NFATC2: variants seen among roughly 807,000 people sequenced by gnomAD.
NFATC2 encodes the protein nuclear factor of activated T-cells, cytoplasmic 2.
In NFATC2, 22 loss-of-function variants were observed where a neutral mutation model predicts 87.3. The observed-to-expected ratio is 0.25, with a 90% CI of 0.18 to 0.36. NFATC2 has a LOEUF of 0.36. NFATC2 is among the 10% of genes least tolerant of loss of function. The pLI is 1.00. For missense variants in NFATC2, 1,149 were observed against 1,259.1 expected (o/e 0.91, Z 1.32); for synonymous variants, 565 against 542.2 (o/e 1.04, Z -0.58).
chr20:51,497,630 G>A (rs1445595578), intron 3 of NFATC2, among the ~76,000 whole-genome samples: 3 of 152,086 alleles, frequency 2.0e-5, no homozygotes, highest in African/African-American at 4.8e-5. Flanking sequence ...TGCAGCCACC[G>A]CCTTCCACCA....
At chr20:51,526,369 TTGG>T (rs2076546043) in intron 1 of NFATC2, among the ~76,000 whole-genome samples, 1 of 151,678 alleles carries the variant, frequency 6.6e-6, no homozygotes, top group African/African-American at 2.4e-5. Flanking sequence ...AACAGCAGAG[TTGG>T]TAGTCTGGGA....
chr20:51,486,851 C>T (rs1364644156), intron 3 of NFATC2, among the ~76,000 whole-genome samples: 2 of 152,032 alleles, frequency 1.3e-5, no homozygotes, highest in Admixed American at 1.3e-4. Flanking sequence ...AGCCAGTCTG[C>T]AGGAATGTGT....
chr20:51,461,170 C>A (rs73269989), intron 5 of NFATC2, among the ~76,000 whole-genome samples: 2,135 of 152,298 alleles, frequency 0.014, 60 homozygotes, highest in African/African-American at 0.048. Context: ...TCTGATGCAA[C>A]CTCCATCACC....
At chr20:51,510,598 A>G (rs1410939581) in intron 3 of NFATC2, among the ~76,000 whole-genome samples, 5 of 152,192 alleles carry the variant, frequency 3.3e-5, no homozygotes, top group Admixed American at 2.6e-4. Context: ...GTTCTACTTC[A>G]ATAAGATTTA....
At chr20:51,440,167 T>A (rs897899319) in intron 6 of NFATC2, among the ~76,000 whole-genome samples, 3 of 141,680 alleles carry the variant, frequency 2.1e-5, no homozygotes, top group East Asian at 2.1e-4. Context: ...AACCCAGAGA[T>A]GGAGGTTGCA....
At chr20:51,433,120 G>A (rs969325883) in intron 8 of NFATC2, among the ~76,000 whole-genome samples, 3 of 151,996 alleles carry the variant, frequency 2.0e-5, no homozygotes, top group African/African-American at 7.3e-5. Context: ...TCCTGTCTCC[G>A]CTTGCTTTCC....
chr20:51,518,081 G>A (rs1357894285), intron 2 of NFATC2, among the ~76,000 whole-genome samples: 1 of 152,154 alleles, frequency 6.6e-6, no homozygotes, highest in Non-Finnish European at 1.5e-5. Flanking sequence ...CTGTTCACAG[G>A]GTAGAGATCT....
At chr20:51,479,228 C>A (rs1235146901) in intron 3 of NFATC2, among the ~76,000 whole-genome samples, 1 of 152,232 alleles carries the variant, frequency 6.6e-6, no homozygotes, top group Non-Finnish European at 1.5e-5. Flanking sequence ...CTGAACACCT[C>A]TCTCTCCTGC....
Position 51,455,350 on chromosome 20 carries a change from C to T in NFATC2, c.1709-662G>A, listed in dbSNP as rs1986285988. Among the ~76,000 whole-genome samples the T allele has an allele frequency of 2.6e-5, 4 of 152,022 alleles. No individual in the cohort carries two copies. In the South Asian group the frequency reaches 8.3e-4, roughly 32 times the overall value. ...TTTGAGCATCTGCACTTCCTAGTGT[C>T]TGTCCTCCCCAGTTACCTGCATGTC... On this transcript the variant is annotated intron_variant, in intron 5 of 10. Transcript: ENST00000371564.
chr20:51,512,650 A>G (rs2146676723), intron 3 of NFATC2, among the ~76,000 whole-genome samples: 1 of 152,398 alleles, frequency 6.6e-6, no homozygotes, highest in Middle Eastern at 3.4e-3. Context: ...TGTACACTTA[A>G]GGATAAAAAA....
At chr20:51,545,584 G>A (rs2076882378), upstream of NFATC2, among the ~76,000 whole-genome samples, 1 of 152,186 alleles carries the variant, frequency 6.6e-6, no homozygotes, top group South Asian at 2.1e-4. Flanking sequence ...TGGATGCATG[G>A]ATGGAAGATG....
chr20:51,491,003 A>C (rs2075872976), intron 3 of NFATC2, among the ~76,000 whole-genome samples: 1 of 152,178 alleles, frequency 6.6e-6, no homozygotes, highest in Non-Finnish European at 1.5e-5. Flanking sequence ...AAAACCACCC[A>C]GGTCAGTGCC....
chr20:51,557,506 C>G (rs1192180847), intron 1 of NFATC2, among the ~76,000 whole-genome samples: 2 of 152,118 alleles, frequency 1.3e-5, no homozygotes, highest in Admixed American at 6.5e-5. Context: ...TCATTTGTGG[C>G]TTGTTGCTGT....
At chr20:51,445,016 C>G (rs1275705864) in intron 6 of NFATC2, among the ~76,000 whole-genome samples, 3 of 152,134 alleles carry the variant, frequency 2.0e-5, no homozygotes, top group African/African-American at 7.2e-5. Context: ...GCTGCTCACT[C>G]ACCTCCCAGT....
At chr20:51,474,900 A>C (rs570187782) in intron 4 of NFATC2, among the ~76,000 whole-genome samples, 1 of 152,128 alleles carries the variant, frequency 6.6e-6, no homozygotes, top group Admixed American at 6.5e-5. Flanking sequence ...GATCCCATGC[A>C]ACATAACACA....
At position 51,562,510 on chromosome 20, in the gene NFATC2, G is replaced by A. The variant is rs754422526; in HGVS notation, c.70+50C>T. 8 of 1,488,866 alleles carry A rather than the reference G, an allele frequency of 5.4e-6. No individual in the cohort carries two copies. In the South Asian group the frequency reaches 9.8e-5, roughly 18 times the overall value. The allele number at this position is 1,488,866 out of a possible 1,614,324, so 92.2% of individuals were successfully genotyped here. On this transcript the variant is annotated intron_variant, in intron 1 of 10. Coordinates refer to the NFATC2 transcript ENST00000414705. The surrounding 1 kb of genome is among the most constrained non-coding windows in gnomAD (Gnocchi z 5.8). ...GCCCGGGACGGGAGCAGCAGGAAAG[G>A]GCCGGGAGGAGCGAGCGGAAAAGGC...
chr20:51,404,168 T>C (rs1251601327), intron 9 of NFATC2, among the ~76,000 whole-genome samples: 1 of 152,158 alleles, frequency 6.6e-6, no homozygotes, highest in Non-Finnish European at 1.5e-5. Context: ...AATCTCTGTT[T>C]CTTGCAGCCA....
At chr20:51,393,843 C>T (rs534990510) in intron 10 of NFATC2, among the ~76,000 whole-genome samples, 16 of 152,280 alleles carry the variant, frequency 1.1e-4, no homozygotes, top group South Asian at 4.1e-4. Flanking sequence ...TAGGCAGAGA[C>T]GCTGGCACCA....
At chr20:51,417,945 C>T (rs1284351561) in intron 9 of NFATC2, among the ~76,000 whole-genome samples, 8 of 152,254 alleles carry the variant, frequency 5.3e-5, no homozygotes, top group Admixed American at 4.6e-4. Flanking sequence ...CCCTGGTACC[C>T]GCGGGGCACC....
Sources: allele counts gnomAD v4.1 joint callset (sites outside exome capture counted in the v4.1 genomes callset), GRCh38; gene constraint gnomAD v4.1.1; non-coding constraint Gnocchi (gnomAD v3.1); transcripts MANE v1.5; gene names NCBI Gene and HGNC (gene_info 2026-07-23, HGNC 2026-07-21).